Variants in POLG observed in about 807,000 individuals in gnomAD.
The protein encoded by POLG is DNA polymerase subunit gamma-1.
A neutral mutation model predicts 155.4 loss-of-function variants in POLG; 110 were observed. The ratio of observed to expected loss-of-function variants is 0.71; its 90% CI spans 0.61 to 0.83. POLG has a LOEUF of 0.83. Ranked by LOEUF, POLG falls within the 40% of genes least tolerant of loss-of-function variation. The pLI, the probability that POLG is intolerant of heterozygous loss-of-function variation, is 0.00. For synonymous variants in POLG, 701 were observed against 631.5 expected (o/e 1.11, Z -1.65); for missense variants, 1,685 against 1,627.5 (o/e 1.04, Z -0.61).
rs746406535 is a variant in POLG, at chr15:89,325,663, C to T, written c.1736G>A (p.Arg579Gln). Residue 579 changes from arginine (R) to glutamine (Q), a missense_variant, in exon 10 of 23, where the codon CGG becomes CAG. By Grantham distance (43) the Arg-to-Gln change is conservative. Transcript: ENST00000268124. Reference sequence around the variant, plus strand: ...CGGGGTCCATGCAGGGTCGTCTAGCCGGGGGCAGAGCTTCCGGTACCATCT... The same window carrying T: ...CGGGGTCCATGCAGGGTCGTCTAGCTGGGGGCAGAGCTTCCGGTACCATCT... ...HPGWYRKLCP[R>Q]LDDPAWTPGP... 1.2e-5 allele frequency: 19 copies of T among 1,609,822 alleles called. No individual in the cohort carries two copies. Among genetic ancestry groups the T allele is most frequent in the Middle Eastern group, 1.6e-4 (1 of 6,084 alleles).
At chr15:89,328,616 T>C in intron 5 of POLG, 69 bp downstream of exon 5, 1 of 1,610,088 alleles carries the variant, frequency 6.2e-7, no homozygotes, top group East Asian at 2.2e-5. Context: ...GCCTGGCAGC[T>C]GCATCTCCCC....
At position 89,321,861 on chromosome 15, in the gene POLG, G is replaced by A; in HGVS notation, c.2481-8C>T. ...TCATCATAGTCGGGGTGCCTGGTGGGGTGCAGGGGAAGGAAATGGGTCTTA... is the reference window on the plus strand; with the variant it reads ...TCATCATAGTCGGGGTGCCTGGTGGAGTGCAGGGGAAGGAAATGGGTCTTA... On this transcript the variant is annotated splice_region_variant and splice_polypyrimidine_tract_variant and intron_variant, in intron 15 of 22. Coordinates refer to ENST00000268124, the MANE Select transcript of POLG (RefSeq NM_002693.3). 2 of 1,612,082 alleles carry A rather than the reference G, an allele frequency of 1.2e-6. No individual in the cohort carries two copies. Among genetic ancestry groups the A allele is most frequent in the Non-Finnish European group, 1.7e-6 (2 of 1,178,176 alleles).
At position 89,320,945 on chromosome 15, in the gene POLG, C is replaced by T; in HGVS notation, c.2802G>A (p.Lys934=). Reference sequence around the variant, plus strand: ...GGCTGATGCCCACAGTAGTGGCTGTCTTACTGTGTAGATCAGTGCCCCTGC... The same window carrying T: ...GGCTGATGCCCACAGTAGTGGCTGTTTTACTGTGTAGATCAGTGCCCCTGC... ...RKSRGTDLHS[K]TATTVGISRE... Residue 934 remains lysine, a synonymous_variant, in exon 18 of 23, where the codon AAG becomes AAA. Coordinates refer to ENST00000268124, the MANE Select transcript of POLG (RefSeq NM_002693.3). The T allele has an allele frequency of 6.2e-7, 1 of 1,613,830 alleles. No homozygotes were observed. Among genetic ancestry groups the T allele is most frequent in the Non-Finnish European group, 8.5e-7 (1 of 1,179,876 alleles).
chr15:89,328,704 T>C lies in POLG; in HGVS notation c.1151A>G (p.Asp384Gly), dbSNP rs1397581526. ...CCATACCTGGAAGTTCTCACGAATG[T>C]CCTTCATGGTGCCCTTCACAAACAG... ...RELFVKGTMK[D>G]IRENFQDLMQ... Residue 384 changes from aspartate to glycine, a missense_variant, in exon 5 of 23, where the codon GAC (aspartate) becomes GGC (glycine). By Grantham distance (94) the Asp-to-Gly change is moderately conservative. Transcript: ENST00000268124. 1 of 1,614,156 alleles carries C rather than the reference T, an allele frequency of 6.2e-7. No individual in the cohort carries two copies. Among genetic ancestry groups the C allele is most frequent in the African/African-American group, 1.3e-5 (1 of 75,060 alleles).
At chr15:89,325,127 TGAGAGAGTGAGTGAGAGAGTGAGTG>T (rs2055473533) in intron 10 of POLG, among the ~76,000 whole-genome samples, 1 of 38,206 alleles carries the variant, frequency 2.6e-5, no homozygotes, top group African/African-American at 1.4e-4. Context: ...AGTGAGTGAG[TGAGAGAGTGAGTGAGAGAGTGAGTG>T]AGTGAGTGAG....
chr15:89,330,355 G>A (rs929425295), intron 2 of POLG, 79 bp from the exon 3 acceptor site: 9 of 1,096,028 alleles, frequency 8.2e-6, no homozygotes, highest in Middle Eastern at 2.8e-4. Context: ...CACACCTACC[G>A]CCACATGCCA....
Position 89,327,075 on chromosome 15 carries a change from G to C in POLG, c.1434-12C>G. On this transcript the variant is annotated splice_polypyrimidine_tract_variant and intron_variant, in intron 7 of 22. Coordinates refer to ENST00000268124, the MANE Select transcript of POLG (RefSeq NM_002693.3). ...GGTCTTCTTTGTACCTACAGAGCCA[G>C]TCCACTAGGGCAGGGCTAAGGCTAA... The C allele has an allele frequency of 1.9e-6, 3 of 1,614,192 alleles. No homozygotes were observed. In the South Asian group the frequency reaches 3.3e-5, roughly 18 times the overall value.
At position 89,333,688 on chromosome 15, in the gene POLG, C is replaced by T. The variant is rs1422899388; in HGVS notation, c.67G>A (p.Gly23Arg). The change falls in exon 2 of 23, where the codon GGG (glycine) becomes AGG (arginine). Residue 23 changes from glycine (G) to arginine (R), a missense_variant. Coordinates refer to ENST00000268124, the MANE Select transcript of POLG (RefSeq NM_002693.3). ...TVGPGPVPAPGRWVSSSVPAS... is the reference protein window; with the variant it reads ...TVGPGPVPAPRRWVSSSVPAS... The stretch of plus-strand genomic sequence containing the variant: ...GGGACGGAGCTGGAGACCCAGCGCC[C>T]CGGAGCTGGAACCGGCCCTGGCCCG... 6.5e-6 allele frequency: 10 copies of T among 1,544,600 alleles called. No homozygotes were observed. In the Admixed American group the frequency reaches 9.7e-5, roughly 15 times the overall value.
intron 8 of POLG, 75 bp from the exon 9 acceptor site, chr15:89,326,813 C>A: frequency 1.2e-6 from 2 of 1,610,912 alleles, no homozygotes; most frequent in South Asian, 1.1e-5. Context: ...CCGCTCATCT[C>A]CAGAAGGCTG....
chr15:89,317,121 C>G lies in POLG; in HGVS notation c.3643+255G>C, dbSNP rs560246181. 22 of 592,080 alleles carry G rather than the reference C, an allele frequency of 3.7e-5. 1 individual carries two copies. The South Asian group carries it at 3.8e-4, about 10-fold the overall frequency. The allele number at this position is 592,080 out of a possible 1,614,324, so 36.7% of individuals were successfully genotyped here. A position where few individuals can be genotyped will look rare whatever the true frequency, so the allele number is the denominator to read the frequency against. On this transcript the variant is annotated intron_variant, in intron 22 of 22. Coordinates refer to ENST00000268124, the MANE Select transcript of POLG (RefSeq NM_002693.3). ...GAATGCACTCTATAGAATAAATTAT[C>G]TTTAAACATTTCTTCTGTGGTTGAA...
intron 8 of POLG, 57 bp downstream of exon 8, chr15:89,326,855 C>T (rs1260347027): frequency 1.2e-6 from 2 of 1,610,462 alleles, no homozygotes; most frequent in African/African-American, 1.3e-5. Context: ...CCCTCAATCA[C>T]AGGACCTTCC....
intron 3 of POLG, among the ~76,000 whole-genome samples, chr15:89,329,388 T>C (rs969568127): frequency 2.0e-5 from 3 of 152,190 alleles, no homozygotes; most frequent in Non-Finnish European, 4.4e-5. Flanking sequence ...CTTCCAACAA[T>C]AGCTCTGAGC....
At position 89,325,600 on chromosome 15, in the gene POLG, G is replaced by C. The variant is rs1342566081; in HGVS notation, c.1799C>G (p.Pro600Arg). The change falls in exon 10 of 23, where the codon CCT becomes CGT. Residue 600 changes from proline to arginine, a missense_variant. Physicochemically the swap from Pro to Arg is moderately radical, Grantham distance 103. Around this residue, in one of 3 missense-constraint regions of POLG, gnomAD observed 1,210 missense variants for 1,167.1 expected, o/e 1.04. Coordinates refer to ENST00000268124, the MANE Select transcript of POLG (RefSeq NM_002693.3). Reference protein sequence around the residue: ...SLLSLQMRVTPKLMALTWDGF... With the variant: ...SLLSLQMRVTRKLMALTWDGF... The stretch of plus-strand genomic sequence containing the variant: ...ATCCCAGGTAAGTGCCATGAGTTTA[G>C]GTGTGACCCGCATCTGCAGGCTGAG... The C allele has an allele frequency of 6.2e-7, 1 of 1,613,808 alleles. No homozygotes were observed. Among genetic ancestry groups the C allele is most frequent in the Admixed American group, 1.7e-5 (1 of 60,036 alleles).
At chr15:89,317,819 T>G (rs991093825) in intron 21 of POLG, 2 of 456,148 alleles carry the variant, frequency 4.4e-6, no homozygotes, top group African/African-American at 4.0e-5. Context: ...TCACTTCCAA[T>G]TGGGCCAGAG....
At position 89,332,982 on chromosome 15, in the gene POLG, C is replaced by T. The variant is rs1028380454; in HGVS notation, c.659+114G>A. The stretch of plus-strand genomic sequence containing the variant: ...GTCTAGTCCTAATTCAACACATCAG[C>T]GCTCCCTACGTGAGCACCCAGCCCG... On this transcript the variant is annotated intron_variant, in intron 2 of 22. Coordinates refer to ENST00000268124, the MANE Select transcript of POLG (RefSeq NM_002693.3). The T allele has an allele frequency of 1.0e-5, 14 of 1,358,112 alleles. No homozygotes were observed. The East Asian group carries it at 3.0e-4, about 29-fold the overall frequency. 84.1% of individuals were successfully genotyped at this position (1,358,112 alleles called of 1,614,324 possible). A position where few individuals can be genotyped will look rare whatever the true frequency, so the allele number is the denominator to read the frequency against.
chr15:89,330,112 C>T lies in POLG; in HGVS notation c.824G>A (p.Arg275Gln), dbSNP rs1555453950. Residue 275 changes from arginine (R) to glutamine (Q), a missense_variant, in exon 3 of 23, where the codon CGA becomes CAA. Physicochemically the swap from Arg to Gln is conservative, Grantham distance 43 (BLOSUM62 1). Coordinates refer to ENST00000268124, the MANE Select transcript of POLG (RefSeq NM_002693.3). ...LVVGHNVSFD[R>Q]AHIREQYLIQ... Reference sequence around the variant, plus strand: ...CAGGTACTGCTCCCTGATATGAGCTCGGTCAAAGGAAACATTGTGCCCCAC... The same window carrying T: ...CAGGTACTGCTCCCTGATATGAGCTTGGTCAAAGGAAACATTGTGCCCCAC... 1.9e-6 allele frequency: 3 copies of T among 1,614,068 alleles called. No homozygotes were observed. Among genetic ancestry groups the T allele is most frequent in the South Asian group, 2.2e-5 (2 of 91,070 alleles).
rs990859582 is a variant in POLG, at chr15:89,322,722, C to T, written c.2426+20G>A. The T allele has an allele frequency of 1.9e-6, 3 of 1,612,880 alleles. No individual in the cohort carries two copies. Among genetic ancestry groups the T allele is most frequent in the Admixed American group, 3.3e-5 (2 of 60,012 alleles). On this transcript the variant is annotated intron_variant, in intron 14 of 22. Transcript: ENST00000268124. ...AAGAGAGGGGAAAGGCATCCCAGGACTCCTCCCATGGTGGCCCACCTGATA... is the reference window on the plus strand; with the variant it reads ...AAGAGAGGGGAAAGGCATCCCAGGATTCCTCCCATGGTGGCCCACCTGATA...
rs940359297 is a variant in POLG at position 89,333,836 on chromosome 15, C to T, written c.-82G>A. 2 of 1,490,242 alleles carry T rather than the reference C, an allele frequency of 1.3e-6. No individual in the cohort carries two copies. The highest frequency in any genetic ancestry group is 3.9e-5 in the Admixed American group (2 of 50,686). 92.3% of individuals were successfully genotyped at this position (1,490,242 alleles called of 1,614,324 possible). A position where few individuals can be genotyped will look rare whatever the true frequency, so the allele number is the denominator to read the frequency against. ...TTGGCTTCTTTTACTGGCTGGAAGA[C>T]GTGGAGAGAGACACGTCCTGTCTCT... is the stretch of plus-strand genomic sequence containing the variant. On this transcript the variant is annotated 5_prime_UTR_variant, in exon 2 of 23. Coordinates refer to ENST00000268124, the MANE Select transcript of POLG (RefSeq NM_002693.3).
At position 89,323,037 on chromosome 15, in the gene POLG, ACGCACG is replaced by A. The variant is rs2055419111; in HGVS notation, c.2266-141_2266-136del. ...TCTGAGGCAAATCCCTGATTGTATC[ACGCACG>A]CGCGCACGCGCGCACGCACACACAC... On this transcript the variant is annotated intron_variant, in intron 13 of 22. Coordinates refer to ENST00000268124, the MANE Select transcript of POLG (RefSeq NM_002693.3). 30 of 879,820 alleles carry A rather than the reference ACGCACG, an allele frequency of 3.4e-5. 1 individual carries two copies. The highest frequency in any genetic ancestry group is 4.8e-5 in the Non-Finnish European group (27 of 564,278). The allele number at this position is 879,820 out of a possible 1,614,324, so 54.5% of individuals were successfully genotyped here.
Sources: gnomAD v4.1 joint callset for allele counts (sites outside exome capture counted in the v4.1 genomes callset) on GRCh38, gnomAD v4.1.1 for gene constraint, gnomAD v4.1.1 regional missense constraint, MANE v1.5 for transcripts, NCBI Gene and HGNC (gene_info 2026-07-23, HGNC 2026-07-21) for gene names.